Variants in STK26 observed in about 807,000 individuals in gnomAD.
The protein encoded by STK26 is serine/threonine-protein kinase 26.
Under a neutral mutation model 34.7 loss-of-function variants are expected in STK26, and 14 were observed. The observed-to-expected ratio is 0.40, with a 90% confidence interval of 0.27 to 0.63. STK26 has a LOEUF of 0.63. STK26 is among the 30% of genes least tolerant of loss of function. The probability of loss-of-function intolerance (pLI) is 0.38; values close to 1 mark genes in which losing one functional copy is unlikely to be tolerated. For synonymous variants in STK26, 100 were observed against 109.8 expected, an observed-to-expected ratio of 0.91 and a Z score of 0.56; for missense variants, 226 against 309.1, an observed-to-expected ratio of 0.73 and a Z score of 2.02.
intron 3 of STK26, 125 bp from the exon 4 acceptor site, chrX:132,063,308 G>C: frequency 1.7e-6 from 1 of 576,242 alleles, no homozygotes. Context: ...TTAATTTTTA[G>C]CTCCCACAAA....
intron 3 of STK26, among the ~76,000 whole-genome samples, chrX:132,062,266 C>T (rs920958536): frequency 1.8e-5 from 2 of 112,186 alleles, no homozygotes; most frequent in African/African-American, 6.5e-5. Flanking sequence ...GAATACCACT[C>T]ATGAAATGGT....
intron 2 of STK26, among the ~76,000 whole-genome samples, chrX:132,027,966 C>A (rs1935137248): frequency 9.2e-6 from 1 of 108,789 alleles, no homozygotes; most frequent in Non-Finnish European, 1.9e-5. Flanking sequence ...AGCAATCCAC[C>A]CATCTCAGCC....
intron 2 of STK26, among the ~76,000 whole-genome samples, chrX:132,027,238 A>G (rs1329510843): frequency 2.7e-5 from 3 of 111,987 alleles, no homozygotes; most frequent in Non-Finnish European, 5.6e-5. Context: ...TTTTGACTTT[A>G]CAATGGTACT....
intron 8 of STK26, among the ~76,000 whole-genome samples, chrX:132,071,492 C>T (rs903665097): frequency 3.6e-5 from 4 of 111,460 alleles, no homozygotes; most frequent in African/African-American, 1.3e-4. Flanking sequence ...GAACAGGATT[C>T]AATTAAAGGT....
intron 2 of STK26, among the ~76,000 whole-genome samples, chrX:132,044,100 G>T (rs1328266801): frequency 1.8e-5 from 2 of 111,566 alleles, no homozygotes; most frequent in Non-Finnish European, 3.8e-5. Context: ...ACATGCCAAA[G>T]ATTTCATTTT....
intron 2 of STK26, among the ~76,000 whole-genome samples, chrX:132,051,608 A>C (rs1339020750): frequency 9.0e-6 from 1 of 111,204 alleles, no homozygotes; most frequent in Non-Finnish European, 1.9e-5. Flanking sequence ...GTATTTTTTT[A>C]TTATTATACT....
At chrX:132,061,360 C>G (rs143588755) in intron 3 of STK26, among the ~76,000 whole-genome samples, 2 of 111,757 alleles carry the variant, frequency 1.8e-5, no homozygotes, top group Non-Finnish European at 3.8e-5. Flanking sequence ...TCTCAGGTTG[C>G]GAGTGCCTAG....
intron 4 of STK26, among the ~76,000 whole-genome samples, chrX:132,067,794 T>A (rs1036190662): frequency 3.6e-5 from 4 of 111,748 alleles, no homozygotes; most frequent in African/African-American, 1.3e-4. Context: ...TAAAAATCAG[T>A]TTCGTGTCAA....
intron 2 of STK26, among the ~76,000 whole-genome samples, chrX:132,053,600 A>G (rs192245125): frequency 8.9e-6 from 1 of 112,245 alleles, no homozygotes; most frequent in East Asian, 2.8e-4. Flanking sequence ...GTAAATGAAC[A>G]GCTATTCTAG....
chrX:132,042,388 C>T (rs1926297863), intron 2 of STK26, among the ~76,000 whole-genome samples: 1 of 110,700 alleles, frequency 9.0e-6, no homozygotes, highest in African/African-American at 3.3e-5. Flanking sequence ...GAAATCTCAG[C>T]CCTGTATTGT....
chrX:132,045,560 T>C (rs1926470087), intron 2 of STK26, among the ~76,000 whole-genome samples: 1 of 112,403 alleles, frequency 8.9e-6, no homozygotes, highest in Admixed American at 9.4e-5. Context: ...AATTTTTTCC[T>C]GACCTCTCTG....
intron 3 of STK26, among the ~76,000 whole-genome samples, chrX:132,061,903 G>A (rs1009782919): frequency 9.0e-6 from 1 of 111,671 alleles, no homozygotes; most frequent in African/African-American, 3.3e-5. Flanking sequence ...TCTTCACCCC[G>A]CAGCTGGGGT....
intron 6 of STK26, 38 bp downstream of exon 6, chrX:132,068,607 A>T: frequency 8.7e-7 from 1 of 1,152,811 alleles, no homozygotes; most frequent in Non-Finnish European, 1.2e-6. Context: ...TGGGCTTGTT[A>T]ATAAATTATA....
chrX:132,037,028 G>A (rs929468561), intron 2 of STK26, among the ~76,000 whole-genome samples: 1 of 111,438 alleles, frequency 9.0e-6, no homozygotes, highest in Non-Finnish European at 1.9e-5. Context: ...TAAGAAGGTC[G>A]GTGAATTAAG....
At chrX:132,064,734 AT>A (rs1241708223) in intron 4 of STK26, among the ~76,000 whole-genome samples, 104 of 110,702 alleles carry the variant, frequency 9.4e-4, no homozygotes, top group South Asian at 1.5e-3. Flanking sequence ...TTAATATTAT[AT>A]TTTTTTTATT....
intron 2 of STK26, among the ~76,000 whole-genome samples, chrX:132,038,610 T>C (rs1034999934): frequency 9.0e-6 from 1 of 111,478 alleles, no homozygotes; most frequent in Middle Eastern, 4.7e-3. Flanking sequence ...TTTTCATTAA[T>C]AAAGAAAGAT....
chrX:132,073,071 A>G lies in STK26; in HGVS notation c.1204A>G (p.Lys402Glu), dbSNP rs745308311. The G allele has an allele frequency of 8.4e-7, 1 of 1,186,639 alleles. No individual in the cohort carries two copies. The highest frequency in any genetic ancestry group is 1.8e-5 in the African/African-American group (1 of 56,097). ...CGGCATCACAGATAAAATGGTGAAG[A>G]AACTAATTGAAAAATTTCAAAAGTA... is the stretch of plus-strand genomic sequence containing the variant. Reference protein sequence around the residue: ...CPGITDKMVKKLIEKFQKCSA... With the variant: ...CPGITDKMVKELIEKFQKCSA... Residue 402 changes from lysine to glutamate, a missense_variant, in exon 11 of 12, where the codon AAA (lysine) becomes GAA (glutamate). Around this residue, in one of 2 missense-constraint regions of STK26, gnomAD observed 126 missense variants for 132.4 expected, o/e 0.95. Transcript: ENST00000394334.
chrX:132,069,412 T>C (rs531090435), intron 6 of STK26, 66 bp from the exon 7 acceptor site: 133 of 7,961 alleles, frequency 0.017, 2 homozygotes, highest in South Asian at 0.048. Context: ...TACATACACA[T>C]ATATATATAT....
chrX:132,047,562 C>T (rs760181953), intron 2 of STK26, among the ~76,000 whole-genome samples: 39 of 110,877 alleles, frequency 3.5e-4, no homozygotes, highest in African/African-American at 1.2e-3. Context: ...ACATTGGATC[C>T]TATGGGAATC....
Sources: gnomAD v4.1 joint callset for allele counts (sites outside exome capture counted in the v4.1 genomes callset) on GRCh38, gnomAD v4.1.1 for gene constraint, gnomAD v4.1.1 regional missense constraint, MANE v1.5 for transcripts, NCBI Gene and HGNC (gene_info 2026-07-23, HGNC 2026-07-21) for gene names.